Variants in SBF2 observed in about 807,000 individuals in gnomAD.
The protein encoded by SBF2 is SET binding factor 2.
SBF2 carries 112 observed loss-of-function variants against 225.2 expected under a neutral mutation model. That is an observed-to-expected ratio of 0.50 (90% CI 0.43 to 0.58). SBF2 has a LOEUF of 0.58. Among genes scored for constraint, SBF2 ranks in the 20% least tolerant of loss-of-function variants. The pLI is 0.00. For synonymous variants in SBF2, 763 were observed against 773.3 expected, an observed-to-expected ratio of 0.99 and a Z score of 0.22; for missense variants, 1,996 against 2,206.2, an observed-to-expected ratio of 0.90 and a Z score of 1.91.
chr11:10,001,303 G>A (rs908916426), intron 7 of SBF2, among the ~76,000 whole-genome samples: 44 of 151,994 alleles, frequency 2.9e-4, no homozygotes, highest in African/African-American at 1.1e-3. Flanking sequence ...AGTACTGTTT[G>A]AAAGCATTTT....
rs191363718 is a variant in SBF2, at chr11:9,997,660, C to G, written c.975+606G>C. 6.2e-4 allele frequency among the ~76,000 whole-genome samples: 94 copies of G among 152,280 alleles called. 1 individual carries two copies. Among genetic ancestry groups the G allele is most frequent in the Admixed American group, 6.1e-3 (93 of 15,288 alleles). On this transcript the variant is annotated intron_variant, in intron 9 of 39. Transcript: ENST00000256190. ...GGGCGTGGTGGCGGGCGCCTGCAGT[C>G]CCAGCTACTCGGGAGGCTGAGGCAG...
At chr11:10,198,485 G>A (rs899082055) in intron 1 of SBF2, among the ~76,000 whole-genome samples, 1 of 152,198 alleles carries the variant, frequency 6.6e-6, no homozygotes, top group African/African-American at 2.4e-5. Flanking sequence ...AGCACAGACA[G>A]AGTAGATTTA....
chr11:9,939,383 AC>A (rs1405109074), intron 16 of SBF2, among the ~76,000 whole-genome samples: 1 of 152,228 alleles, frequency 6.6e-6, no homozygotes. Flanking sequence ...GGCGTGAGCC[AC>A]TGCGCCCGGC....
chr11:10,217,558 CTATT>C (rs961792090), intron 1 of SBF2, among the ~76,000 whole-genome samples: 3 of 152,154 alleles, frequency 2.0e-5, no homozygotes, highest in Non-Finnish European at 4.4e-5. Context: ...GTAGTTTCTT[CTATT>C]TATTAGTTCT....
intron 16 of SBF2, among the ~76,000 whole-genome samples, chr11:9,926,081 T>G (rs1397049281): frequency 1.3e-5 from 2 of 152,254 alleles, no homozygotes; most frequent in African/African-American, 4.8e-5. Flanking sequence ...GATTTTGTTA[T>G]GAAACTGGGC....
At chr11:10,125,041 G>A (rs1953682353) in intron 2 of SBF2, among the ~76,000 whole-genome samples, 1 of 150,116 alleles carries the variant, frequency 6.7e-6, no homozygotes, top group African/African-American at 2.5e-5. Flanking sequence ...CCGGGAGGCG[G>A]AGGTTGCAGT....
At chr11:10,004,732 T>C (rs772225034) in intron 6 of SBF2, among the ~76,000 whole-genome samples, 2 of 152,198 alleles carry the variant, frequency 1.3e-5, no homozygotes, top group Admixed American at 6.5e-5. Context: ...CTCTGCCCTA[T>C]TGTTTCACTA....
intron 2 of SBF2, among the ~76,000 whole-genome samples, chr11:10,081,135 A>T (rs537833745): frequency 5.3e-5 from 8 of 152,222 alleles, no homozygotes; most frequent in Non-Finnish European, 1.2e-4. Context: ...ATATATCAAC[A>T]GATGGAACAT....
At chr11:10,038,981 T>C (rs1474295929) in intron 3 of SBF2, among the ~76,000 whole-genome samples, 2 of 151,906 alleles carry the variant, frequency 1.3e-5, no homozygotes, top group African/African-American at 4.8e-5. Flanking sequence ...TAAAAAAATT[T>C]AGGATCACAT....
intron 1 of SBF2, among the ~76,000 whole-genome samples, chr11:10,263,538 T>C (rs975381279): frequency 6.6e-6 from 1 of 152,264 alleles, no homozygotes; most frequent in Non-Finnish European, 1.5e-5. Flanking sequence ...CAGTAACTTC[T>C]ACTAGAATAA....
chr11:10,100,193 T>C (rs992048006), intron 2 of SBF2, among the ~76,000 whole-genome samples: 3 of 152,192 alleles, frequency 2.0e-5, no homozygotes, highest in African/African-American at 7.2e-5. Context: ...CAGATTTGAG[T>C]AATTATAAAA....
intron 16 of SBF2, among the ~76,000 whole-genome samples, chr11:9,900,392 G>A (rs1861628216): frequency 6.6e-6 from 1 of 151,842 alleles, no homozygotes; most frequent in Non-Finnish European, 1.5e-5. Flanking sequence ...TTCCAATTAT[G>A]TGATACCTGC....
intron 3 of SBF2, among the ~76,000 whole-genome samples, chr11:10,042,446 G>C (rs1949688741): frequency 6.6e-6 from 1 of 152,140 alleles, no homozygotes; most frequent in East Asian, 1.9e-4. Context: ...TAACATTTGG[G>C]TGCTTAAACA....
At position 10,217,903 on chromosome 11, in the gene SBF2, C is replaced by CTT. The variant is rs537724631; in HGVS notation, c.56-23918_56-23917dup. ...AGGCAAATGAGGAGCAAAGTCACAT[C>CTT]TTTTTTTCTTCTTTGAGATGGAGTC... On this transcript the variant is annotated intron_variant, in intron 1 of 39. Coordinates refer to ENST00000256190, the MANE Select transcript of SBF2 (RefSeq NM_030962.4). Among the ~76,000 whole-genome samples, 629 of 152,060 alleles carry CTT rather than the reference C, an allele frequency of 4.1e-3. 2 individuals are homozygous for CTT. Among genetic ancestry groups the CTT allele is most frequent in the Non-Finnish European group, 7.1e-3 (479 of 67,940 alleles).
chr11:10,181,855 T>A (rs1370403877), intron 2 of SBF2, among the ~76,000 whole-genome samples: 1 of 152,190 alleles, frequency 6.6e-6, no homozygotes, highest in African/African-American at 2.4e-5. Flanking sequence ...ATTTGATTAA[T>A]GAGCTTTTAG....
chr11:10,193,126 G>A (rs534817625), intron 2 of SBF2, among the ~76,000 whole-genome samples: 2 of 152,006 alleles, frequency 1.3e-5, no homozygotes, highest in African/African-American at 4.8e-5. Context: ...TCTAATTTGT[G>A]ATTTTAAGAT....
chr11:10,193,515 C>G (rs531145996), intron 2 of SBF2, among the ~76,000 whole-genome samples: 1 of 151,836 alleles, frequency 6.6e-6, no homozygotes, highest in African/African-American at 2.4e-5. Context: ...CCACCACGCC[C>G]GGCTAATTTT....
intron 6 of SBF2, among the ~76,000 whole-genome samples, chr11:10,011,179 T>C (rs1258066562): frequency 6.6e-6 from 1 of 152,198 alleles, no homozygotes; most frequent in African/African-American, 2.4e-5. Context: ...AATCGAATTA[T>C]TAACTAGTCT....
At chr11:10,056,460 C>T (rs1466439295) in intron 2 of SBF2, among the ~76,000 whole-genome samples, 1 of 152,112 alleles carries the variant, frequency 6.6e-6, no homozygotes, top group African/African-American at 2.4e-5. Context: ...CTTTCACCTT[C>T]CTGGTTAGCT....
Sources: allele counts gnomAD v4.1 joint callset (sites outside exome capture counted in the v4.1 genomes callset), GRCh38; gene constraint gnomAD v4.1.1; transcripts MANE v1.5; gene names NCBI Gene and HGNC (gene_info 2026-07-23, HGNC 2026-07-21).